Variants in PDZD7 observed in about 807,000 individuals in gnomAD.
PDZD7 encodes the protein PDZ domain containing 7, also known as PDZ domain-containing protein 7.
PDZD7 carries 72 observed loss-of-function variants against 84.7 expected under a neutral mutation model. The ratio of observed to expected loss-of-function variants is 0.85; its 90% CI spans 0.70 to 1.03. The LOEUF (loss-of-function observed/expected upper bound fraction) is 1.03. Among genes scored for constraint, PDZD7 ranks in the 50% least tolerant of loss-of-function variants. PDZD7 has a pLI of 0.00. For synonymous variants in PDZD7, 594 were observed against 580.7 expected (o/e 1.02, Z -0.33); for missense variants, 1,490 against 1,412.9 (o/e 1.05, Z -0.87).
chr10:101,020,563 C>T, intron 7 of PDZD7, 55 bp downstream of exon 7: 2 of 1,538,868 alleles, frequency 1.3e-6, no homozygotes, highest in South Asian at 2.2e-5. Flanking sequence ...GAGCCGGGCC[C>T]CACCCTAAGG....
At chr10:101,017,796 A>G (rs896185909) in intron 9 of PDZD7, 1 of 468,352 alleles carries the variant, frequency 2.1e-6, no homozygotes, top group African/African-American at 2.1e-5. Flanking sequence ...CAAAAAAAAA[A>G]AAGAAAGAAA....
chr10:101,012,392 C>G, intron 11 of PDZD7, 134 bp from the exon 12 acceptor site: 2 of 749,758 alleles, frequency 2.7e-6, no homozygotes, highest in Non-Finnish European at 4.5e-6. Context: ...GGGAAAGGTT[C>G]ACTCCACCCC....
intron 2 of PDZD7, among the ~76,000 whole-genome samples, chr10:101,027,425 G>A (rs961349669): frequency 2.0e-5 from 3 of 152,116 alleles, no homozygotes; most frequent in Non-Finnish European, 4.4e-5. Context: ...CACTTTCTTG[G>A]AGAAGGCTTC....
At position 101,010,782 on chromosome 10, in the gene PDZD7, T is replaced by C. The variant is rs1490498480; in HGVS notation, c.2107A>G (p.Ser703Gly). 10 of 1,534,060 alleles carry C rather than the reference T, an allele frequency of 6.5e-6. No individual in the cohort carries two copies. The highest frequency in any genetic ancestry group is 8.7e-6 in the Non-Finnish European group (10 of 1,145,604). The change falls in exon 15 of 17, where the codon AGT becomes GGT. Residue 703 changes from serine to glycine, a missense_variant. Ser to Gly is a moderately conservative substitution (Grantham distance 56). Transcript: ENST00000619208. ...ERLGALKVSPSASAPRHPHKG... is the reference protein window; with the variant it reads ...ERLGALKVSPGASAPRHPHKG... ...TGGGGGTGGCGAGGGGCAGAGGCAC[T>C]TGGGGAGACCTTGAGGGCCCCCAGC...
rs1852267845 is a variant in PDZD7 at position 101,007,875 on chromosome 10, A to AACCCCCC, written c.*591_*592insGGGGGGT. The AACCCCCC allele has an allele frequency of 4.2e-5, 1 of 23,766 alleles. No homozygotes were observed. The allele number at this position is 23,766 out of a possible 1,614,324, so 1.5% of individuals were successfully genotyped here. A position where few individuals can be genotyped will look rare whatever the true frequency, so the allele number is the denominator to read the frequency against. Reference sequence around the variant, plus strand: ...GATAAAGAGTACAGGAACTTGTTTGACCCCCCCCCCCCCACCATTTGCTGG... The same window carrying AACCCCCC: ...GATAAAGAGTACAGGAACTTGTTTGAACCCCCCCCCCCCCCCCCCCACCATTTGCTGG... On this transcript the variant is annotated 3_prime_UTR_variant, in exon 17 of 17. Transcript: ENST00000619208.
Position 101,019,153 on chromosome 10 carries a change from G to C in PDZD7, c.993C>G (p.Cys331Trp). The change falls in exon 8 of 17, where the codon TGC (cysteine) becomes TGG (tryptophan). Residue 331 changes from cysteine to tryptophan, a missense_variant. Coordinates refer to ENST00000619208, the MANE Select transcript of PDZD7 (RefSeq NM_001195263.2). ...CCGAGCTGTAGGGGGCGCTGGAGGCGCACGAAGAGACGCTGGAGCTGCTCT... is the reference window on the plus strand; with the variant it reads ...CCGAGCTGTAGGGGGCGCTGGAGGCCCACGAAGAGACGCTGGAGCTGCTCT... The part of the protein sequence containing the change: ...ASESSSSVSS[C>W]ASSAPYSSGS... The C allele has an allele frequency of 6.5e-7, 1 of 1,542,918 alleles. No individual in the cohort carries two copies. Among genetic ancestry groups the C allele is most frequent in the Non-Finnish European group, 8.7e-7 (1 of 1,150,486 alleles).
intron 11 of PDZD7, among the ~76,000 whole-genome samples, chr10:101,013,651 G>A (rs989422198): frequency 5.9e-5 from 9 of 152,212 alleles, no homozygotes; most frequent in African/African-American, 1.2e-4. Context: ...TATGAGTAGC[G>A]TCTCTGAGGT....
At position 101,018,856 on chromosome 10, in the gene PDZD7, G is replaced by T. The variant is rs756607033; in HGVS notation, c.1290C>A (p.Pro430=). 2 of 1,602,984 alleles carry T rather than the reference G, an allele frequency of 1.2e-6. No individual in the cohort carries two copies. Among genetic ancestry groups the T allele is most frequent in the East Asian group, 2.3e-5 (1 of 44,412 alleles). The change falls in exon 8 of 17, where the codon CCC becomes CCA. Residue 430 remains proline, a synonymous_variant. Transcript: ENST00000619208. The part of the protein sequence containing the change: ...LLLALSRPRP[P]ITRSQSYLTL... ...TCAGATAGCTCTGGGAGCGCGTGAT[G>T]GGGGGCCGGGGTCGGCTGAGGGCCA...
chr10:101,010,709 G>T lies in PDZD7; in HGVS notation c.2180C>A (p.Pro727His), dbSNP rs551067965. Reference protein sequence around the residue: ...LQDVPVDAFTPLRIACTPPPQ... With the variant: ...LQDVPVDAFTHLRIACTPPPQ... ...AGGGGGTGTGCAGGCAATTCGGAGGGGGGTGAAGGCATCTACTGGCACGTC... is the reference window on the plus strand; with the variant it reads ...AGGGGGTGTGCAGGCAATTCGGAGGTGGGTGAAGGCATCTACTGGCACGTC... The change falls in exon 15 of 17, where the codon CCC (proline) becomes CAC (histidine). Residue 727 changes from proline to histidine, a missense_variant. Pro to His is a moderately conservative substitution (Grantham distance 77). Transcript: ENST00000619208. 1.5e-6 allele frequency: 2 copies of T among 1,356,576 alleles called. No individual in the cohort carries two copies. The highest frequency in any genetic ancestry group is 1.2e-5 in the South Asian group (1 of 81,906). The allele number at this position is 1,356,576 out of a possible 1,614,324, so 84.0% of individuals were successfully genotyped here.
chr10:101,019,058 C>A lies in PDZD7; in HGVS notation c.1088G>T (p.Trp363Leu). 2.5e-6 allele frequency: 4 copies of A among 1,577,324 alleles called. No individual in the cohort carries two copies. The highest frequency in any genetic ancestry group is 3.4e-6 in the Non-Finnish European group (4 of 1,167,216). Residue 363 changes from tryptophan to leucine, a missense_variant, in exon 8 of 17, where the codon TGG becomes TTG. Coordinates refer to ENST00000619208, the MANE Select transcript of PDZD7 (RefSeq NM_001195263.2). ...QEEPGSRGPG[W>L]GRADTAMQTE... The stretch of plus-strand genomic sequence containing the variant: ...CTGCATGGCTGTGTCCGCCCGCCCC[C>A]AGCCTGGGCCGCGGCTGCCGGGCTC...
At chr10:101,027,870 G>A (rs1590076836) in intron 2 of PDZD7, among the ~76,000 whole-genome samples, 1 of 152,180 alleles carries the variant, frequency 6.6e-6, no homozygotes, top group South Asian at 2.1e-4. Flanking sequence ...ATAAATGGAT[G>A]GATGGATGGT....
In PDZD7 at chr10:101,007,888, C is replaced by CG. The variant is rs1554890008; in HGVS notation, c.*578_*579insC. 9.0e-6 allele frequency: 1 copy of CG among 111,690 alleles called. No individual in the cohort carries two copies. Among genetic ancestry groups the CG allele is most frequent in the African/African-American group, 3.7e-5 (1 of 26,912 alleles). 6.9% of individuals were successfully genotyped at this position (111,690 alleles called of 1,614,324 possible). ...GGAACTTGTTTGACCCCCCCCCCCC[C>CG]ACCATTTGCTGGCTATTCTCCTCCC... On this transcript the variant is annotated 3_prime_UTR_variant, in exon 17 of 17. Transcript: ENST00000619208.
intron 11 of PDZD7, among the ~76,000 whole-genome samples, chr10:101,014,461 C>T (rs545621081): frequency 1.3e-5 from 2 of 152,104 alleles, no homozygotes; most frequent in East Asian, 1.9e-4. Context: ...AGCCCCACCT[C>T]GTGGCCAAAG....
chr10:101,014,989 GT>G (rs1235088689), intron 11 of PDZD7, among the ~76,000 whole-genome samples: 3 of 152,224 alleles, frequency 2.0e-5, no homozygotes, highest in Admixed American at 2.0e-4. Flanking sequence ...TGAGTGACCT[GT>G]GCCCCACAGC....
chr10:101,020,794 A>G (rs1853047722), intron 6 of PDZD7, 116 bp from the exon 7 acceptor site: 1 of 779,054 alleles, frequency 1.3e-6, no homozygotes, highest in Admixed American at 2.0e-5. Context: ...TGTCCTCCAA[A>G]TTCATCATGC....
In PDZD7 at chr10:101,012,017, C is replaced by T. The variant is rs571601845; in HGVS notation, c.1842-1G>A. On this transcript the variant is annotated splice_acceptor_variant, in intron 12 of 16. Transcript: ENST00000619208. LOFTEE classifies it high-confidence loss of function. ...CAGGTCTGTGGGGGCCACCACACTC[C>T]TGGGAGAGGGCGAGAGACAGCAGGG... is the stretch of plus-strand genomic sequence containing the variant. 1.2e-5 allele frequency: 18 copies of T among 1,550,038 alleles called. No homozygotes were observed. The highest frequency in any genetic ancestry group is 3.6e-5 in the South Asian group (3 of 84,046).
intron 9 of PDZD7, among the ~76,000 whole-genome samples, chr10:101,016,897 C>T (rs1040507920): frequency 6.6e-5 from 10 of 152,100 alleles, no homozygotes; most frequent in African/African-American, 2.4e-4. Flanking sequence ...GATTGTCTCT[C>T]CCATGGTACA....
intron 11 of PDZD7, 117 bp downstream of exon 11, chr10:101,015,519 C>G (rs149878795): frequency 1.5e-5 from 19 of 1,238,668 alleles, no homozygotes; most frequent in Admixed American, 1.5e-4. Flanking sequence ...ATTTTACTGA[C>G]CACTAGCCTC....
At position 101,030,973 on chromosome 10, in the gene PDZD7, G is replaced by A. The variant is rs138331975; in HGVS notation, c.-166+100C>T. ...CCACGACATCCCGCGCAAAACCCAG[G>A]GCCAGTTCCCTCAGAGAAGCTCTGG... On this transcript the variant is annotated intron_variant, in intron 1 of 16. Coordinates refer to ENST00000619208, the MANE Select transcript of PDZD7 (RefSeq NM_001195263.2). 2.3e-3 allele frequency: 355 copies of A among 153,638 alleles called. 1 individual carries two copies. The highest frequency in any genetic ancestry group is 4.2e-3 in the Admixed American group (65 of 15,460). 9.5% of individuals were successfully genotyped at this position (153,638 alleles called of 1,614,324 possible).
Sources: allele counts gnomAD v4.1 joint callset (sites outside exome capture counted in the v4.1 genomes callset), GRCh38; gene constraint gnomAD v4.1.1; transcripts MANE v1.5; gene names NCBI Gene and HGNC (gene_info 2026-07-23, HGNC 2026-07-21).